TTC28: variants seen among roughly 807,000 people sequenced by gnomAD.
TTC28 encodes the protein tetratricopeptide repeat domain 28.
Under a neutral mutation model 198.0 loss-of-function variants are expected in TTC28, and 61 were observed. The observed-to-expected ratio is 0.31, with a 90% CI of 0.25 to 0.38. The LOEUF (loss-of-function observed/expected upper bound fraction) is 0.38, where lower values mean the gene tolerates loss of function less well. Among genes scored for constraint, TTC28 ranks in the 10% least tolerant of loss-of-function variants. TTC28 has a pLI of 1.00. For missense variants in TTC28, 2,678 were observed against 3,164.0 expected, an observed-to-expected ratio of 0.85 and a Z score of 3.69; for synonymous variants, 1,171 against 1,297.8, an observed-to-expected ratio of 0.90 and a Z score of 2.10.
chr22:28,476,652 C>A (rs1360666237), intron 2 of TTC28, among the ~76,000 whole-genome samples: 2 of 152,144 alleles, frequency 1.3e-5, no homozygotes, highest in African/African-American at 2.4e-5. Flanking sequence ...TAGTATCTCA[C>A]TATGGTCTTA....
At chr22:28,010,020 TCA>T (rs1362635318) in intron 14 of TTC28, among the ~76,000 whole-genome samples, 1 of 152,216 alleles carries the variant, frequency 6.6e-6, no homozygotes, top group Non-Finnish European at 1.5e-5. Context: ...AATACCTGAC[TCA>T]CAAAAGATTG....
rs550950554 is a variant in TTC28 at position 28,134,077 on chromosome 22, G to A, written c.1442-25674C>T. Among the ~76,000 whole-genome samples, 10 of 152,296 alleles carry A rather than the reference G, an allele frequency of 6.6e-5. No homozygotes were observed. In the East Asian group the frequency reaches 7.7e-4, roughly 12 times the overall value. Reference sequence around the variant, plus strand: ...CAATATTCACTGCTCTGCAGCCTCCGCTGCTGATATCCAGGCAAACAGGGT... The same window carrying A: ...CAATATTCACTGCTCTGCAGCCTCCACTGCTGATATCCAGGCAAACAGGGT... On this transcript the variant is annotated intron_variant, in intron 6 of 22. Transcript: ENST00000397906.
At chr22:28,136,104 A>C (rs1159606561) in intron 6 of TTC28, among the ~76,000 whole-genome samples, 1 of 152,164 alleles carries the variant, frequency 6.6e-6, no homozygotes, top group Non-Finnish European at 1.5e-5. Context: ...GATAAAATAA[A>C]ATTTCTAAGC....
chr22:28,502,491 A>T (rs540166424), intron 2 of TTC28, among the ~76,000 whole-genome samples: 74 of 144,400 alleles, frequency 5.1e-4, no homozygotes, highest in African/African-American at 1.7e-3. Context: ...AAAAAAAAAT[A>T]CAAAAAATTA....
At chr22:28,306,854 C>G (rs947983550) in intron 2 of TTC28, among the ~76,000 whole-genome samples, 5 of 152,182 alleles carry the variant, frequency 3.3e-5, no homozygotes, top group African/African-American at 7.2e-5. Flanking sequence ...CATCTTTTCA[C>G]TTCTAAGACA....
chr22:28,401,406 A>G (rs1463351481), intron 2 of TTC28, among the ~76,000 whole-genome samples: 3 of 152,190 alleles, frequency 2.0e-5, no homozygotes, highest in African/African-American at 7.2e-5. Context: ...ATCTGAAGTC[A>G]GGAGTTTGAG....
At chr22:28,176,199 G>A (rs1004145094) in intron 5 of TTC28, among the ~76,000 whole-genome samples, 1 of 152,024 alleles carries the variant, frequency 6.6e-6, no homozygotes, top group African/African-American at 2.4e-5. Flanking sequence ...AAGAAAATGT[G>A]GTATACATAT....
At chr22:28,435,161 G>A (rs557816582) in intron 2 of TTC28, among the ~76,000 whole-genome samples, 1 of 152,278 alleles carries the variant, frequency 6.6e-6, no homozygotes, top group East Asian at 1.9e-4. Context: ...GAAGGTGTAA[G>A]TCAAAGAACA....
chr22:28,155,742 T>C (rs917920955), intron 6 of TTC28, among the ~76,000 whole-genome samples: 5 of 152,106 alleles, frequency 3.3e-5, no homozygotes, highest in Non-Finnish European at 5.9e-5. Flanking sequence ...TACAGAGAAG[T>C]AGTGGAATTT....
intron 2 of TTC28, among the ~76,000 whole-genome samples, chr22:28,401,388 G>C (rs926651414): frequency 6.6e-6 from 1 of 152,120 alleles, no homozygotes; most frequent in Non-Finnish European, 1.5e-5. Flanking sequence ...GACCGACGTG[G>C]GCGGATCATC....
At chr22:28,101,388 C>T (rs1167151269) in intron 8 of TTC28, 108 bp from the exon 9 acceptor site, 6 of 932,692 alleles carry the variant, frequency 6.4e-6, no homozygotes, top group Non-Finnish European at 9.8e-6. Flanking sequence ...TGTTTTGAGA[C>T]AGGGTCTCAC....
intron 12 of TTC28, among the ~76,000 whole-genome samples, chr22:28,088,584 A>C (rs1941706121): frequency 6.6e-6 from 1 of 151,356 alleles, no homozygotes; most frequent in South Asian, 2.1e-4. Context: ...AGGCAATACC[A>C]TTCAGGACAT....
chr22:28,020,782 C>T (rs1310774378), intron 13 of TTC28, among the ~76,000 whole-genome samples: 1 of 151,240 alleles, frequency 6.6e-6, no homozygotes, highest in Non-Finnish European at 1.5e-5. Flanking sequence ...TCCCCCAACA[C>T]ACACACACAC....
At chr22:28,653,252 C>T (rs1207967456) in intron 1 of TTC28, among the ~76,000 whole-genome samples, 2 of 152,074 alleles carry the variant, frequency 1.3e-5, no homozygotes, top group Admixed American at 6.6e-5. Context: ...GCCTGTAATC[C>T]CAGCACTTTG....
chr22:28,343,057 CAT>C (rs1345872381), intron 2 of TTC28, among the ~76,000 whole-genome samples: 1 of 151,996 alleles, frequency 6.6e-6, no homozygotes, highest in African/African-American at 2.4e-5. Context: ...AACATACACA[CAT>C]AATGAAAAAG....
chr22:28,482,165 C>G (rs1201787616), intron 2 of TTC28, among the ~76,000 whole-genome samples: 3 of 151,400 alleles, frequency 2.0e-5, no homozygotes, highest in Non-Finnish European at 4.4e-5. Context: ...CTTGTTCCCA[C>G]TCCTCCATTT....
chr22:28,544,091 G>A (rs2049483779), intron 2 of TTC28, among the ~76,000 whole-genome samples: 1 of 151,986 alleles, frequency 6.6e-6, no homozygotes, highest in Non-Finnish European at 1.5e-5. Flanking sequence ...CGTGGTGGCG[G>A]GCACCTGTAA....
At chr22:28,364,113 C>A (rs1157514128) in intron 2 of TTC28, among the ~76,000 whole-genome samples, 1 of 152,108 alleles carries the variant, frequency 6.6e-6, no homozygotes, top group Non-Finnish European at 1.5e-5. Flanking sequence ...TGTTTCCACC[C>A]AAATCTCATC....
At chr22:28,170,489 CAAAAAAA>C (rs71791002) in intron 5 of TTC28, among the ~76,000 whole-genome samples, 6 of 100,106 alleles carry the variant, frequency 6.0e-5, no homozygotes, top group Non-Finnish European at 1.3e-4. Context: ...ACTCCGTCTC[CAAAAAAA>C]AAAAAAAGAA....
Sources: allele counts gnomAD v4.1 joint callset (sites outside exome capture counted in the v4.1 genomes callset), GRCh38; gene constraint gnomAD v4.1.1; transcripts MANE v1.5; gene names NCBI Gene and HGNC (gene_info 2026-07-23, HGNC 2026-07-21).